TNRC6B: variants seen among roughly 807,000 people sequenced by gnomAD.
TNRC6B encodes the protein trinucleotide repeat containing adaptor 6B.
TNRC6B carries 52 observed loss-of-function variants against 203.6 expected under a neutral mutation model. The observed-to-expected ratio is 0.26, with a 90% CI of 0.20 to 0.32. The LOEUF (loss-of-function observed/expected upper bound fraction) is 0.32, where lower values mean the gene tolerates loss of function less well. Among genes scored for constraint, TNRC6B ranks in the 10% least tolerant of loss-of-function variants. The pLI, the probability that TNRC6B is intolerant of heterozygous loss-of-function variation, is 1.00. For missense variants in TNRC6B, 1,923 were observed against 2,286.2 expected (o/e 0.84, Z 3.24); for synonymous variants, 838 against 845.7 (o/e 0.99, Z 0.16).
intron 6 of TNRC6B, among the ~76,000 whole-genome samples, chr22:40,272,041 G>A (rs1279682746): frequency 6.6e-6 from 1 of 152,126 alleles, no homozygotes; most frequent in Non-Finnish European, 1.5e-5. Context: ...TTCTAAAGGG[G>A]TCAGTGTGTT....
At chr22:40,071,663 AT>A in intron 1 of TNRC6B, among the ~76,000 whole-genome samples, 1 of 152,048 alleles carries the variant, frequency 6.6e-6, no homozygotes, top group Non-Finnish European at 1.5e-5. Context: ...TTTTAAAATA[AT>A]TTTTTTCTTT....
chr22:40,154,860 A>AATATATATATATATAT (rs71199273), intron 3 of TNRC6B, among the ~76,000 whole-genome samples: 1 of 23,586 alleles, frequency 4.2e-5, no homozygotes, highest in Non-Finnish European at 6.2e-5. Context: ...AAAAAAAAAA[A>AATATATATATATATAT]ATATATATAT....
chr22:40,301,523 G>A, intron 15 of TNRC6B, 190 bp downstream of exon 15: 5 of 627,200 alleles, frequency 8.0e-6, no homozygotes, highest in South Asian at 6.6e-5. Flanking sequence ...CTCACCACAT[G>A]GTTACTAAAT....
chr22:40,100,174 C>A (rs1225731575), intron 1 of TNRC6B, among the ~76,000 whole-genome samples: 1 of 151,724 alleles, frequency 6.6e-6, no homozygotes, highest in Non-Finnish European at 1.5e-5. Context: ...GCAATCTCCA[C>A]CTTCCAGGTT....
intron 4 of TNRC6B, among the ~76,000 whole-genome samples, chr22:40,262,604 G>A (rs910209165): frequency 7.2e-5 from 11 of 152,042 alleles, no homozygotes; most frequent in Non-Finnish European, 1.6e-4. Context: ...TAGAATCTTC[G>A]GAGGATTCTA....
rs117171696 is a variant in TNRC6B, at chr22:40,066,434, T to G, written c.-121+21436T>G. ...AGAGTATGAGATATTCTTTGGAATT[T>G]CCGTAGGGGGAATATCTTCCTTCTT... is the stretch of plus-strand genomic sequence containing the variant. On this transcript the variant is annotated intron_variant, in intron 1 of 23. Transcript: ENST00000301923. Among the ~76,000 whole-genome samples, 655 of 152,254 alleles carry G rather than the reference T, an allele frequency of 4.3e-3. 2 individuals carry two copies. The highest frequency in any genetic ancestry group is 7.0e-3 in the Non-Finnish European group (473 of 68,040).
chr22:40,121,659 G>T (rs1371202994), intron 2 of TNRC6B, among the ~76,000 whole-genome samples: 1 of 152,334 alleles, frequency 6.6e-6, no homozygotes, highest in South Asian at 2.1e-4. Flanking sequence ...TGCCTGCACA[G>T]CTGATATGTA....
chr22:40,151,411 C>T (rs1015633644), intron 3 of TNRC6B, among the ~76,000 whole-genome samples: 13 of 151,784 alleles, frequency 8.6e-5, no homozygotes, highest in Non-Finnish European at 1.5e-4. Flanking sequence ...TAAAAATGCA[C>T]GCCTGTAATC....
At chr22:40,269,461 C>T (rs1011317078) in intron 5 of TNRC6B, among the ~76,000 whole-genome samples, 1 of 151,916 alleles carries the variant, frequency 6.6e-6, no homozygotes, top group African/African-American at 2.4e-5. Context: ...TATGGGTGAC[C>T]CACAATTGGT....
At chr22:40,280,963 T>A (rs899521152) in intron 10 of TNRC6B, among the ~76,000 whole-genome samples, 156 bp from the exon 11 acceptor site, 1 of 152,260 alleles carries the variant, frequency 6.6e-6, no homozygotes, top group African/African-American at 2.4e-5. Context: ...TTGGGCCAAG[T>A]GTAAAGATTA....
intron 4 of TNRC6B, among the ~76,000 whole-genome samples, chr22:40,158,928 A>G (rs1354592032): frequency 6.6e-6 from 1 of 152,150 alleles, no homozygotes; most frequent in Admixed American, 6.6e-5. Flanking sequence ...TACTTTGTAA[A>G]TATGATTCAG....
chr22:40,311,068 C>G (rs2071172911), intron 17 of TNRC6B, 75 bp downstream of exon 17: 1 of 1,437,620 alleles, frequency 7.0e-7, no homozygotes, highest in African/African-American at 1.4e-5. Flanking sequence ...GAATACATTG[C>G]TTTTGTGATT....
chr22:40,256,053 T>C (rs2070272417), intron 3 of TNRC6B, among the ~76,000 whole-genome samples: 2 of 152,152 alleles, frequency 1.3e-5, no homozygotes, highest in Admixed American at 1.3e-4. Flanking sequence ...GGGGTTTCAC[T>C]GTGTTAGCCA....
intron 21 of TNRC6B, among the ~76,000 whole-genome samples, chr22:40,320,159 A>G (rs896498701): frequency 2.0e-5 from 3 of 152,218 alleles, no homozygotes; most frequent in Non-Finnish European, 4.4e-5. Flanking sequence ...AATGAACTGA[A>G]ATGGTGGACT....
At chr22:40,087,216 A>C (rs2068108232) in intron 1 of TNRC6B, among the ~76,000 whole-genome samples, 1 of 152,246 alleles carries the variant, frequency 6.6e-6, no homozygotes, top group Non-Finnish European at 1.5e-5. Flanking sequence ...TGTATATTTA[A>C]ATTATGAATC....
intron 2 of TNRC6B, 51 bp downstream of exon 2, chr22:40,246,153 C>A: frequency 1.4e-6 from 2 of 1,383,250 alleles, no homozygotes; most frequent in Non-Finnish European, 2.0e-6. Context: ...CATCCAGCAT[C>A]CAGAACAAGA....
intron 4 of TNRC6B, among the ~76,000 whole-genome samples, chr22:40,161,340 G>A (rs1018832776): frequency 5.3e-5 from 8 of 152,138 alleles, no homozygotes; most frequent in Non-Finnish European, 1.2e-4. Context: ...GTATTAGCCT[G>A]TACAAACAGC....
At chr22:40,279,935 T>C (rs2070701774) in intron 9 of TNRC6B, 60 bp from the exon 10 acceptor site, 1 of 1,557,134 alleles carries the variant, frequency 6.4e-7, no homozygotes, top group Non-Finnish European at 8.8e-7. Flanking sequence ...CAGGTCACTC[T>C]TGGTTCATGG....
intron 15 of TNRC6B, among the ~76,000 whole-genome samples, chr22:40,303,928 T>C (rs934508482): frequency 2.0e-5 from 3 of 152,198 alleles, no homozygotes; most frequent in Non-Finnish European, 4.4e-5. Context: ...TTTTTTTTCC[T>C]TAGTTAGCAT....
Sources: allele counts gnomAD v4.1 joint callset (sites outside exome capture counted in the v4.1 genomes callset), GRCh38; gene constraint gnomAD v4.1.1; transcripts MANE v1.5; gene names NCBI Gene and HGNC (gene_info 2026-07-23, HGNC 2026-07-21).